Variants in CIZ1 observed in about 807,000 individuals in gnomAD.
CIZ1 encodes cip1-interacting zinc finger protein.
In CIZ1, 58 loss-of-function variants were observed where a neutral mutation model predicts 118.6. The ratio of observed to expected loss-of-function variants is 0.49; its 90% CI spans 0.40 to 0.61. The LOEUF (loss-of-function observed/expected upper bound fraction) is 0.61, where lower values mean the gene tolerates loss of function less well. Among genes scored for constraint, CIZ1 ranks in the 20% least tolerant of loss-of-function variants. CIZ1 has a pLI of 0.00. For synonymous variants in CIZ1, 448 were observed against 443.4 expected, an observed-to-expected ratio of 1.01 and a Z score of -0.13; for missense variants, 921 against 1,115.9, an observed-to-expected ratio of 0.83 and a Z score of 2.49.
At chr9:128,196,257 A>C (rs776241939), upstream of CIZ1, among the ~76,000 whole-genome samples, 2 of 152,110 alleles carry the variant, frequency 1.3e-5, no homozygotes, top group African/African-American at 4.8e-5. Context: ...TTTAAGAAGG[A>C]GGTAAATGGG....
At position 128,203,648 on chromosome 9, in the gene CIZ1, C is replaced by G. The variant is rs1213851817; in HGVS notation, c.-6+538G>C. The G allele has an allele frequency of 6.6e-7, 1 of 1,507,260 alleles. No individual in the cohort carries two copies. The highest frequency in any genetic ancestry group is 2.8e-5 in the East Asian group (1 of 35,868). 93.4% of individuals were successfully genotyped at this position (1,507,260 alleles called of 1,614,324 possible). A position where few individuals can be genotyped will look rare whatever the true frequency, so the allele number is the denominator to read the frequency against. ...CGTAGGCAGGTAGGCGCGGCGCGCC[C>G]CCAGGCGCCGACCCCCGACCCCCGG... On this transcript the variant is annotated intron_variant, in intron 1 of 17. Transcript: ENST00000372948. The surrounding 1 kb of genome is among the most constrained non-coding windows in gnomAD (Gnocchi z 5.3).
chr9:128,191,852 C>A (rs2131034930), upstream of CIZ1: 1 of 1,480,002 alleles, frequency 6.8e-7, no homozygotes, highest in Non-Finnish European at 9.0e-7. This position sits in a 1 kb window ranked among gnomAD's most constrained non-coding sequence, Gnocchi z 5.5. Context: ...GTTCCCAACC[C>A]ACCTCCCTGC....
intron 14 of CIZ1, among the ~76,000 whole-genome samples, chr9:128,168,517 AAAAAAAAAAAG>A (rs1030922930): frequency 2.8e-5 from 4 of 144,574 alleles, no homozygotes; most frequent in African/African-American, 1.1e-4. Context: ...CTCCGTCTTG[AAAAAAAAAAAG>A]AAAAAAAAAA....
At chr9:128,196,629 G>A (rs911364402), upstream of CIZ1, among the ~76,000 whole-genome samples, 5 of 152,060 alleles carry the variant, frequency 3.3e-5, no homozygotes, top group African/African-American at 1.2e-4. Context: ...ATTTGAGACA[G>A]AGTCTCGCTC....
upstream of CIZ1, chr9:128,191,712 G>A: frequency 7.6e-7 from 1 of 1,311,540 alleles, no homozygotes; most frequent in South Asian, 2.0e-5. The surrounding 1 kb of genome is among the most constrained non-coding windows in gnomAD (Gnocchi z 5.5). Context: ...AGGTGCGAGG[G>A]GGTCCTGGGC....
intron 1 of CIZ1, chr9:128,197,407 G>A (rs1419377222): frequency 6.6e-6 from 1 of 152,336 alleles, no homozygotes; most frequent in East Asian, 1.9e-4. Context: ...CCTGGGAATA[G>A]GCTGTATTCA....
chr9:128,173,788 CA>C (rs905930644), intron 11 of CIZ1, among the ~76,000 whole-genome samples: 14 of 152,052 alleles, frequency 9.2e-5, no homozygotes, highest in African/African-American at 3.4e-4. Context: ...GGGCAGATCA[CA>C]AGGTCAGGAG....
chr9:128,196,096 A>G (rs1309948126), upstream of CIZ1, among the ~76,000 whole-genome samples: 2 of 152,026 alleles, frequency 1.3e-5, no homozygotes, highest in African/African-American at 4.8e-5. Context: ...CGAACTCCTG[A>G]CTTCAGATGA....
chr9:128,194,855 T>G (rs1362689351), upstream of CIZ1, among the ~76,000 whole-genome samples: 1 of 152,020 alleles, frequency 6.6e-6, no homozygotes, highest in African/African-American at 2.4e-5. Context: ...TCTTGCTCTG[T>G]CTCCCAGTCT....
intron 11 of CIZ1, among the ~76,000 whole-genome samples, chr9:128,173,167 C>T (rs1280652772): frequency 1.4e-4 from 15 of 104,006 alleles, no homozygotes; most frequent in African/African-American, 3.1e-4. Context: ...TTTTTTGAGA[C>T]GGAGTCTCGC....
intron 1 of CIZ1, among the ~76,000 whole-genome samples, chr9:128,201,702 A>C (rs1158268178): frequency 6.6e-6 from 1 of 152,220 alleles, no homozygotes; most frequent in Non-Finnish European, 1.5e-5. Flanking sequence ...CTGCAGCTTA[A>C]TAAGGGCCCC....
At position 128,190,707 on chromosome 9, in the gene CIZ1, A is replaced by G; in HGVS notation, c.151T>C (p.Leu51=). 6.4e-7 allele frequency: 1 copy of G among 1,552,094 alleles called. No individual in the cohort carries two copies. The highest frequency in any genetic ancestry group is 8.7e-7 in the Non-Finnish European group (1 of 1,149,378). The change falls in exon 2 of 17, where the codon TTG becomes CTG. Residue 51 remains leucine, a synonymous_variant. Transcript: ENST00000372938. ...LLQQSPPQAP[L]PMAVSRGLPP... ...ACTCACCGGCTGACAGCCATGGGCAACGGGGCCTGTGGTGGGGACTGCTGG... is the reference window on the plus strand; with the variant it reads ...ACTCACCGGCTGACAGCCATGGGCAGCGGGGCCTGTGGTGGGGACTGCTGG...
chr9:128,186,885 C>T (rs953782203), intron 4 of CIZ1, among the ~76,000 whole-genome samples: 3 of 152,080 alleles, frequency 2.0e-5, no homozygotes, highest in Non-Finnish European at 1.5e-5. Flanking sequence ...CCCCAAAGGC[C>T]CCAGCTTCCA....
intron 13 of CIZ1, 61 bp from the exon 14 acceptor site, chr9:128,169,262 A>AACCCC: frequency 1.7e-6 from 2 of 1,185,926 alleles, no homozygotes; most frequent in Non-Finnish European, 1.2e-6. Flanking sequence ...GCCATGCCCT[A>AACCCC]CCCACCCCAC....
chr9:128,180,511 G>A lies in CIZ1; in HGVS notation c.695C>T (p.Pro232Leu), dbSNP rs772927867. 8.1e-6 allele frequency: 13 copies of A among 1,613,760 alleles called. No homozygotes were observed. Among genetic ancestry groups the A allele is most frequent in the South Asian group, 6.6e-5 (6 of 91,060 alleles). ...CTTGGCGATGTCCTCTGGGCAGGGC[G>A]GTAAATCTTGGTCTGGAATGGAGGC... The part of the protein sequence containing the change: ...RMDTPEDQDL[P>L]PCPEDIAKEK... The change falls in exon 7 of 17, where the codon CCG becomes CTG. Residue 232 changes from proline (P) to leucine (L), a missense_variant. Coordinates refer to ENST00000372938, the MANE Select transcript of CIZ1 (RefSeq NM_001131016.2).
intron 10 of CIZ1, among the ~76,000 whole-genome samples, chr9:128,177,144 T>A (rs1830965422): frequency 6.6e-6 from 1 of 152,108 alleles, no homozygotes; most frequent in African/African-American, 2.4e-5. Context: ...CACCTCAGCC[T>A]CCCAAAGTGC....
chr9:128,191,835 C>T, upstream of CIZ1: 1 of 1,470,432 alleles, frequency 6.8e-7, no homozygotes, highest in Non-Finnish European at 9.0e-7. The surrounding 1 kb of genome is among the most constrained non-coding windows in gnomAD (Gnocchi z 5.5). Flanking sequence ...AGGGGGACTT[C>T]CTTCCTGTTC....
chr9:128,187,142 G>T (rs1382237731), intron 4 of CIZ1, among the ~76,000 whole-genome samples: 2 of 152,086 alleles, frequency 1.3e-5, no homozygotes, highest in Non-Finnish European at 2.9e-5. Context: ...GTTTCACCAT[G>T]TTGGCCAGGC....
intron 6 of CIZ1, 36 bp downstream of exon 6, chr9:128,180,685 T>C: frequency 6.7e-7 from 1 of 1,491,294 alleles, no homozygotes; most frequent in African/African-American, 1.4e-5. Context: ...ACCCCATTCA[T>C]GTCCCTCTGA....
Sources: gnomAD v4.1 joint callset for allele counts (sites outside exome capture counted in the v4.1 genomes callset) on GRCh38, gnomAD v4.1.1 for gene constraint, Gnocchi (gnomAD v3.1) non-coding constraint, MANE v1.5 for transcripts, NCBI Gene and HGNC (gene_info 2026-07-23, HGNC 2026-07-21) for gene names.